The following SH2D4A variants were observed in gnomAD, a reference collection of about 807,000 sequenced individuals.
SH2D4A encodes the protein SH2 domain containing 4A.
Under a neutral mutation model 64.7 loss-of-function variants are expected in SH2D4A, and 70 were observed. The observed-to-expected ratio is 1.08, with a 90% CI of 0.89 to 1.32. SH2D4A has a LOEUF of 1.32. Among genes scored for constraint, SH2D4A ranks in the 40% most tolerant of loss-of-function variants. The pLI is 0.00. For synonymous variants in SH2D4A, 268 were observed against 200.7 expected (o/e 1.34, Z -2.83); for missense variants, 706 against 540.1 (o/e 1.31, Z -3.04).
intron 8 of SH2D4A, among the ~76,000 whole-genome samples, chr8:19,384,320 A>C (rs904813473): frequency 2.0e-5 from 3 of 152,194 alleles, no homozygotes; most frequent in African/African-American, 7.2e-5. Context: ...GGGATGGTGC[A>C]AAGAGACAGG....
chr8:19,328,710 C>G (rs148358178), intron 2 of SH2D4A, among the ~76,000 whole-genome samples: 1 of 152,286 alleles, frequency 6.6e-6, no homozygotes, highest in Non-Finnish European at 1.5e-5. Context: ...GCACCATCTG[C>G]TCAGAAATAT....
chr8:19,335,328 T>G (rs536866597), intron 4 of SH2D4A, among the ~76,000 whole-genome samples: 1 of 152,180 alleles, frequency 6.6e-6, no homozygotes, highest in East Asian at 1.9e-4. Context: ...TCATGTCACT[T>G]GGGGGATTTA....
At chr8:19,344,032 G>C (rs1361868890) in intron 4 of SH2D4A, among the ~76,000 whole-genome samples, 2 of 152,098 alleles carry the variant, frequency 1.3e-5, no homozygotes, top group African/African-American at 4.8e-5. Context: ...AGTCTGATGG[G>C]GTAAAGTGCT....
intron 4 of SH2D4A, among the ~76,000 whole-genome samples, chr8:19,347,931 A>G (rs1408973669): frequency 2.0e-5 from 3 of 152,072 alleles, no homozygotes; most frequent in African/African-American, 7.2e-5. Flanking sequence ...TGCACACACA[A>G]CACACGTGTG....
intron 8 of SH2D4A, among the ~76,000 whole-genome samples, chr8:19,385,595 T>C (rs1363307650): frequency 6.6e-6 from 1 of 152,168 alleles, no homozygotes; most frequent in Non-Finnish European, 1.5e-5. Flanking sequence ...TCTCTGGAAT[T>C]GTTGTTCCCT....
In SH2D4A at chr8:19,334,917, A is replaced by T. The variant is rs1011608083; in HGVS notation, c.513+60A>T. 3.2e-5 allele frequency: 48 copies of T among 1,521,720 alleles called. No homozygotes were observed. In the African/African-American group the frequency reaches 5.4e-4, roughly 17 times the overall value. The allele number at this position is 1,521,720 out of a possible 1,614,324, so 94.3% of individuals were successfully genotyped here. On this transcript the variant is annotated intron_variant, in intron 4 of 9. Transcript: ENST00000265807. Reference sequence around the variant, plus strand: ...CATCATGGGGGAGAAAAAGCTATTGAGGCCACAGAGACTACTGTGGCTGAG... The same window carrying T: ...CATCATGGGGGAGAAAAAGCTATTGTGGCCACAGAGACTACTGTGGCTGAG...
intron 9 of SH2D4A, among the ~76,000 whole-genome samples, 190 bp downstream of exon 9, chr8:19,393,731 TTC>T (rs980309441): frequency 8.5e-5 from 13 of 152,310 alleles, no homozygotes; most frequent in Admixed American, 7.2e-4. Flanking sequence ...TAGAACCTAG[TTC>T]TTCCTTAAAT....
At chr8:19,347,145 G>T (rs2052626030) in intron 4 of SH2D4A, among the ~76,000 whole-genome samples, 1 of 152,206 alleles carries the variant, frequency 6.6e-6, no homozygotes, top group African/African-American at 2.4e-5. Flanking sequence ...AGTCAGTGTT[G>T]TGGTTCTCCA....
At chr8:19,366,840 T>A (rs906045935) in intron 7 of SH2D4A, among the ~76,000 whole-genome samples, 22 of 152,112 alleles carry the variant, frequency 1.4e-4, no homozygotes, top group African/African-American at 5.1e-4. Context: ...AAGAGTGAGG[T>A]CATGCAGTGT....
intron 8 of SH2D4A, among the ~76,000 whole-genome samples, chr8:19,388,959 G>C (rs893777276): frequency 1.3e-5 from 2 of 152,152 alleles, no homozygotes; most frequent in Non-Finnish European, 2.9e-5. Context: ...TTGGATGGAG[G>C]GGAAAACTAG....
chr8:19,324,898 C>G (rs1563184321), intron 2 of SH2D4A, among the ~76,000 whole-genome samples: 1 of 152,106 alleles, frequency 6.6e-6, no homozygotes, highest in Non-Finnish European at 1.5e-5. Flanking sequence ...TGATTATCTC[C>G]CTAGGGCAAC....
rs764617283 is a variant in SH2D4A at position 19,364,132 on chromosome 8, A to T, written c.767A>T (p.Asp256Val). ...TCCTTGGCTAAACAAGCACGAGAAG[A>T]CTACAAGAGGTTATCCCTCGGGGCC... ...RRSLAKQARE[D>V]YKRLSLGAQK... is the part of the protein sequence containing the mutation. The change falls in exon 7 of 10, where the codon GAC (aspartate) becomes GTC (valine). Residue 256 changes from aspartate (D) to valine (V), a missense_variant. Physicochemically the swap from Asp to Val is radical, Grantham distance 152. Transcript: ENST00000265807. 6.8e-6 allele frequency: 11 copies of T among 1,614,142 alleles called. No homozygotes were observed. The highest frequency in any genetic ancestry group is 6.7e-5 in the East Asian group (3 of 44,856).
intron 8 of SH2D4A, among the ~76,000 whole-genome samples, chr8:19,380,066 C>G (rs1265651172): frequency 6.6e-6 from 1 of 152,076 alleles, no homozygotes; most frequent in Non-Finnish European, 1.5e-5. Context: ...TTCATAGCAA[C>G]CATCCTAGTG....
intron 2 of SH2D4A, among the ~76,000 whole-genome samples, chr8:19,321,145 C>CA (rs2052183644): frequency 6.6e-6 from 1 of 152,174 alleles, no homozygotes; most frequent in African/African-American, 2.4e-5. Context: ...CTTCACAAAA[C>CA]TTCTGCAAAG....
rs1221514699 is a variant in SH2D4A, at chr8:19,319,521, AG to A, written c.-26del. The A allele has an allele frequency of 7.0e-7, 1 of 1,424,138 alleles. No individual in the cohort carries two copies. The allele number at this position is 1,424,138 out of a possible 1,614,324, so 88.2% of individuals were successfully genotyped here. On this transcript the variant is annotated 5_prime_UTR_variant, in exon 2 of 10. Transcript: ENST00000265807. ...GCCAGTTTCAGGAACTTTTGCCACA[AG>A]TATAAAAGACTTCAGAAGTGCAAAG...
intron 4 of SH2D4A, among the ~76,000 whole-genome samples, chr8:19,342,213 A>G (rs1432137678): frequency 6.6e-6 from 1 of 152,220 alleles, no homozygotes; most frequent in Non-Finnish European, 1.5e-5. Context: ...CATTTGTATC[A>G]GTAGTGTTTT....
intron 1 of SH2D4A, among the ~76,000 whole-genome samples, chr8:19,315,591 C>A (rs1433993528): frequency 6.6e-6 from 1 of 152,212 alleles, no homozygotes; most frequent in Non-Finnish European, 1.5e-5. Context: ...GATTCTCTGA[C>A]CTTTTAGCAA....
At chr8:19,364,452 G>A (rs1238639352) in intron 7 of SH2D4A, among the ~76,000 whole-genome samples, 170 bp downstream of exon 7, 4 of 152,116 alleles carry the variant, frequency 2.6e-5, no homozygotes, top group Admixed American at 6.5e-5. Flanking sequence ...TGATCTGGGC[G>A]GGCATTCCTC....
intron 7 of SH2D4A, among the ~76,000 whole-genome samples, chr8:19,366,627 T>C (rs2052999537): frequency 6.6e-6 from 1 of 152,024 alleles, no homozygotes; most frequent in South Asian, 2.1e-4. Context: ...AAACCCCGTA[T>C]TTACTAAAAA....
Sources: gnomAD v4.1 joint callset for allele counts (sites outside exome capture counted in the v4.1 genomes callset) on GRCh38, gnomAD v4.1.1 for gene constraint, MANE v1.5 for transcripts, NCBI Gene and HGNC (gene_info 2026-07-23, HGNC 2026-07-21) for gene names.